Variants in SLC16A3 observed in about 807,000 individuals in gnomAD.
The protein encoded by SLC16A3 is solute carrier family 16 member 3.
In SLC16A3, 22 loss-of-function variants were observed where a neutral mutation model predicts 25.0. That is an observed-to-expected ratio of 0.88 (90% CI 0.63 to 1.26). SLC16A3 has a LOEUF of 1.26. Among genes scored for constraint, SLC16A3 ranks in the 50% most tolerant of loss-of-function variants. SLC16A3 has a pLI of 0.00. For synonymous variants in SLC16A3, 390 were observed against 309.2 expected (o/e 1.26, Z -2.74); for missense variants, 731 against 666.6 (o/e 1.10, Z -1.06).
intron 1 of SLC16A3, chr17:82,232,219 C>T (rs1011063346): frequency 1.3e-5 from 2 of 152,310 alleles, no homozygotes; most frequent in African/African-American, 2.4e-5. Context: ...AAAGCCCATC[C>T]TTCAAGGGCT....
At chr17:82,221,094 C>T (rs1411983791) in intron 1 of SLC16A3, among the ~76,000 whole-genome samples, 6 of 151,960 alleles carry the variant, frequency 3.9e-5, no homozygotes, top group Non-Finnish European at 8.8e-5. Flanking sequence ...GCTGGGATTA[C>T]AGGTGTGAGC....
Position 82,238,718 on chromosome 17 carries a change from G to A in SLC16A3, c.1140G>A (p.Ala380=), listed in dbSNP as rs764584394. Residue 380 remains alanine (A), a synonymous_variant, in exon 5 of 5, where the codon GCG becomes GCA. Coordinates refer to ENST00000582743, the MANE Select transcript of SLC16A3 (RefSeq NM_004207.4). ...TTCCCGCAGGCAAACTCCTGGATGC[G>A]ACCCACGTCTACATGTACGTGTTCA... ...GPPSGGKLLD[A]THVYMYVFIL... 3.7e-6 allele frequency: 6 copies of A among 1,610,558 alleles called. No homozygotes were observed. The highest frequency in any genetic ancestry group is 3.3e-5 in the South Asian group (3 of 90,604).
intron 1 of SLC16A3, among the ~76,000 whole-genome samples, chr17:82,219,359 G>A (rs557101188): frequency 6.6e-6 from 1 of 152,172 alleles, no homozygotes; most frequent in South Asian, 2.1e-4. Flanking sequence ...TCCAAGGGGC[G>A]GGGGAGGAGC....
At position 82,239,358 on chromosome 17, in the gene SLC16A3, T is replaced by C; in HGVS notation, c.*382T>C. The C allele has an allele frequency of 1.0e-5, 2 of 195,372 alleles. No homozygotes were observed. Among genetic ancestry groups the C allele is most frequent in the Non-Finnish European group, 2.1e-5 (2 of 96,262 alleles). The allele number at this position is 195,372 out of a possible 1,614,324, so 12.1% of individuals were successfully genotyped here. A position where few individuals can be genotyped will look rare whatever the true frequency, so the allele number is the denominator to read the frequency against. ...AGGGCAGGTGCTGCGTGGGGCCCTC[T>C]CCAGCCCGTCCTACCCTGGGCTCAC... is the stretch of plus-strand genomic sequence containing the variant. On this transcript the variant is annotated 3_prime_UTR_variant, in exon 5 of 5. Coordinates refer to ENST00000582743, the MANE Select transcript of SLC16A3 (RefSeq NM_004207.4).
At chr17:82,238,621 C>T in intron 4 of SLC16A3, 81 bp from the exon 5 acceptor site, 6 of 1,418,694 alleles carry the variant, frequency 4.2e-6, no homozygotes, top group Non-Finnish European at 5.6e-6. Context: ...TGCTGAGACA[C>T]CGAGACACAG....
chr17:82,235,724 G>T, intron 1 of SLC16A3: 1 of 525,646 alleles, frequency 1.9e-6, no homozygotes, highest in Non-Finnish European at 3.5e-6. Flanking sequence ...TCCTGGCCGA[G>T]CCCAAAAAAG....
chr17:82,232,094 A>T (rs532426460), intron 1 of SLC16A3: 1 of 152,394 alleles, frequency 6.6e-6, no homozygotes, highest in East Asian at 1.9e-4. Flanking sequence ...CTCGGCAGCC[A>T]GGCGCTGGCC....
intron 4 of SLC16A3, 98 bp downstream of exon 4, chr17:82,237,991 CAGTGTGGGACTCAG>C: frequency 7.3e-7 from 1 of 1,362,438 alleles, no homozygotes; most frequent in Non-Finnish European, 1.0e-6. Flanking sequence ...CAGCCACCCG[CAGTGTGGGACTCAG>C]AGCTGGAGGG....
At chr17:82,236,960 G>GCT in intron 3 of SLC16A3, 88 bp downstream of exon 3, 1 of 1,544,716 alleles carries the variant, frequency 6.5e-7, no homozygotes, top group Non-Finnish European at 8.7e-7. Context: ...CTGGAGGACA[G>GCT]CAGGGCGGGT....
chr17:82,237,781 C>T lies in SLC16A3; in HGVS notation c.1011C>T (p.Ala337=), dbSNP rs199691091. ...FFGISYGMVG[A]LQFEVLMAIV... ...GCATCTCCTACGGCATGGTGGGGGC[C>T]CTGCAGTTCGAGGTGCTCATGGCCA... The change falls in exon 4 of 5, where the codon GCC becomes GCT. Residue 337 remains alanine (A), a synonymous_variant. Transcript: ENST00000582743. The T allele has an allele frequency of 6.8e-6, 11 of 1,611,698 alleles. No individual in the cohort carries two copies. Among genetic ancestry groups the T allele is most frequent in the Non-Finnish European group, 9.3e-6 (11 of 1,179,950 alleles).
At chr17:82,218,267 G>C (rs2050367947) in intron 1 of SLC16A3, among the ~76,000 whole-genome samples, 2 of 139,970 alleles carry the variant, frequency 1.4e-5, no homozygotes. Flanking sequence ...TCACTGGGGG[G>C]GTGGACGGCC....
rs535264386 is a variant in SLC16A3 at position 82,232,381 on chromosome 17, A to C, written c.-27+3275A>C. On this transcript the variant is annotated intron_variant, in intron 1 of 4. Coordinates refer to ENST00000582743, the MANE Select transcript of SLC16A3 (RefSeq NM_004207.4). ...GCGGGTGAGGGGTCTGCAGGTCCAGACGCCTGAGGGGAAGCATGCCAGGGT... is the reference window on the plus strand; with the variant it reads ...GCGGGTGAGGGGTCTGCAGGTCCAGCCGCCTGAGGGGAAGCATGCCAGGGT... The C allele has an allele frequency of 2.6e-5, 4 of 152,514 alleles. No individual in the cohort carries two copies. In the East Asian group the frequency reaches 5.8e-4, roughly 22 times the overall value. 9.4% of individuals were successfully genotyped at this position (152,514 alleles called of 1,614,324 possible).
Position 82,238,885 on chromosome 17 carries a change from C to T in SLC16A3, c.1307C>T (p.Ser436Leu), listed in dbSNP as rs777942699. The T allele has an allele frequency of 9.3e-6, 15 of 1,606,338 alleles. No homozygotes were observed. The East Asian group carries it at 1.8e-4, about 19-fold the overall frequency. ...EEKLHKPPAD[S>L]GVDLREVEHF... is the part of the protein sequence containing the mutation. ...AAGCTCCACAAGCCTCCTGCAGACT[C>T]GGGGGTGGACTTGCGGGAGGTGGAG... Residue 436 changes from serine (S) to leucine (L), a missense_variant, in exon 5 of 5, where the codon TCG becomes TTG. By Grantham distance (145) the Ser-to-Leu change is moderately radical. Coordinates refer to ENST00000582743, the MANE Select transcript of SLC16A3 (RefSeq NM_004207.4).
Position 82,236,720 on chromosome 17 carries a change from C to G in SLC16A3, c.224-9C>G, listed in dbSNP as rs373340087. The stretch of plus-strand genomic sequence containing the variant: ...AGGCCCGGCCCCTCTCAGCTGCTGC[C>G]CTCTCCAGGTCCGCTCTGCAGTGTG... On this transcript the variant is annotated splice_polypyrimidine_tract_variant and intron_variant, in intron 2 of 4. Transcript: ENST00000582743. The G allele has an allele frequency of 6.2e-7, 1 of 1,603,180 alleles. No homozygotes were observed.
At chr17:82,235,720 C>T (rs1013617427) in intron 1 of SLC16A3, 2 of 517,122 alleles carry the variant, frequency 3.9e-6, no homozygotes, top group African/African-American at 3.8e-5. Flanking sequence ...TGAGTCCTGG[C>T]CGAGCCCAAA....
chr17:82,221,574 TAAAAG>T (rs2050389114), intron 1 of SLC16A3, among the ~76,000 whole-genome samples: 2 of 132,318 alleles, frequency 1.5e-5, no homozygotes, highest in East Asian at 2.3e-4. Context: ...GTTCCAAACA[TAAAAG>T]AGAATGAAAC....
In SLC16A3 at chr17:82,239,134, T is replaced by A; in HGVS notation, c.*158T>A. The A allele has an allele frequency of 1.5e-6, 1 of 672,524 alleles. No homozygotes were observed. Among genetic ancestry groups the A allele is most frequent in the Non-Finnish European group, 2.4e-6 (1 of 424,684 alleles). The allele number at this position is 672,524 out of a possible 1,614,324, so 41.7% of individuals were successfully genotyped here. On this transcript the variant is annotated 3_prime_UTR_variant, in exon 5 of 5. Transcript: ENST00000582743. ...CCGATCAGTGTTTTGAGGGGGAAGG[T>A]GGCGGGGTGGGAACCGTGTCATTCC... is the stretch of plus-strand genomic sequence containing the variant.
At chr17:82,219,221 G>A (rs866251403) in intron 1 of SLC16A3, among the ~76,000 whole-genome samples, 38 of 152,240 alleles carry the variant, frequency 2.5e-4, no homozygotes, top group African/African-American at 7.2e-4. Context: ...CCTGGAGGCC[G>A]GGGCAGCGAT....
chr17:82,236,106 GCTTCTCCTACGCCTTCCC>G lies in SLC16A3; in HGVS notation c.100_117del (p.Phe34_Pro39del). 1 of 1,613,150 alleles carries G rather than the reference GCTTCTCCTACGCCTTCCC, an allele frequency of 6.2e-7. No homozygotes were observed. The highest frequency in any genetic ancestry group is 8.5e-7 in the Non-Finnish European group (1 of 1,179,980). On this transcript the variant is annotated inframe_deletion, in exon 2 of 5. Coordinates refer to ENST00000582743, the MANE Select transcript of SLC16A3 (RefSeq NM_004207.4). ...CTCTTCGGCTGTTTCGTCATCACTG[GCTTCTCCTACGCCTTCCC>G]CAAGGCCGTCAGTGTCTTCTTCAAG... is the stretch of plus-strand genomic sequence containing the variant.
Sources: gnomAD v4.1 joint callset for allele counts (sites outside exome capture counted in the v4.1 genomes callset) on GRCh38, gnomAD v4.1.1 for gene constraint, MANE v1.5 for transcripts, NCBI Gene and HGNC (gene_info 2026-07-23, HGNC 2026-07-21) for gene names.